Variants in SUGCT observed in about 807,000 individuals in gnomAD.
SUGCT encodes the protein succinyl-CoA:glutarate CoA-transferase.
SUGCT carries 41 observed loss-of-function variants against 55.0 expected under a neutral mutation model. The ratio of observed to expected loss-of-function variants is 0.74; its 90% CI spans 0.58 to 0.97. SUGCT has a LOEUF of 0.97. SUGCT is among the 50% of genes least tolerant of loss of function. The pLI, the probability that SUGCT is intolerant of heterozygous loss-of-function variation, is 0.00. For missense variants in SUGCT, 568 were observed against 547.8 expected (o/e 1.04, Z -0.37); for synonymous variants, 187 against 200.4 (o/e 0.93, Z 0.56).
intron 1 of SUGCT, among the ~76,000 whole-genome samples, chr7:40,175,355 G>A (rs962359086): frequency 5.9e-5 from 9 of 152,056 alleles, no homozygotes; most frequent in Non-Finnish European, 1.3e-4. Flanking sequence ...TAGTAGCTGG[G>A]ATTACAGGTA....
At chr7:40,349,263 G>T (rs531106958) in intron 9 of SUGCT, among the ~76,000 whole-genome samples, 1 of 152,254 alleles carries the variant, frequency 6.6e-6, no homozygotes, top group African/African-American at 2.4e-5. Flanking sequence ...GAGTGTGCAG[G>T]CTCATCAGGG....
At chr7:40,732,085 A>G (rs1786917438) in intron 12 of SUGCT, among the ~76,000 whole-genome samples, 1 of 152,220 alleles carries the variant, frequency 6.6e-6, no homozygotes, top group South Asian at 2.1e-4. Context: ...GACAACAGGT[A>G]TTCTCTCACA....
chr7:40,907,702 T>C, the SUGCT span, among the ~76,000 whole-genome samples: 82,927 of 152,020 alleles, frequency 0.55, 24,072 homozygotes, highest in African/African-American at 0.76. Context: ...CATCACAGCC[T>C]GTTCGCTTAA....
intron 12 of SUGCT, among the ~76,000 whole-genome samples, chr7:40,632,999 TTA>T (rs1453349466): frequency 6.6e-6 from 1 of 152,204 alleles, no homozygotes; most frequent in Non-Finnish European, 1.5e-5. Context: ...ACCACATTCA[TTA>T]TACACATATT....
chr7:40,530,626 A>G (rs1189614590), intron 12 of SUGCT, among the ~76,000 whole-genome samples: 3 of 152,206 alleles, frequency 2.0e-5, no homozygotes, highest in African/African-American at 4.8e-5. Flanking sequence ...GATTCATTTG[A>G]TGATGTTTTT....
At chr7:40,766,157 T>G (rs147368717) in intron 13 of SUGCT, among the ~76,000 whole-genome samples, 1 of 152,334 alleles carries the variant, frequency 6.6e-6, no homozygotes, top group East Asian at 1.9e-4. Context: ...ACATATCATC[T>G]ATATACAAAT....
Position 40,821,345 on chromosome 7 carries a change from G to A in SUGCT, c.1154-38971G>A, listed in dbSNP as rs187804528. On this transcript the variant is annotated intron_variant, in intron 13 of 13. Coordinates refer to ENST00000335693, the MANE Select transcript of SUGCT (RefSeq NM_001193313.2). ...AATAGTTTCAGAAGGAATGGTACCA[G>A]CTCCTCCTCGTACCTCTGGTAGAAT... Among the ~76,000 whole-genome samples, 7 of 152,296 alleles carry A rather than the reference G, an allele frequency of 4.6e-5. No individual in the cohort carries two copies. The East Asian group carries it at 1.4e-3, about 29-fold the overall frequency.
chr7:40,744,245 G>A (rs984676331), intron 12 of SUGCT, among the ~76,000 whole-genome samples: 2 of 152,068 alleles, frequency 1.3e-5, no homozygotes, highest in African/African-American at 4.8e-5. Context: ...AGGGTTTTAA[G>A]CCTTAGACTA....
intron 7 of SUGCT, among the ~76,000 whole-genome samples, chr7:40,247,483 C>G (rs1789973816): frequency 6.6e-6 from 1 of 152,170 alleles, no homozygotes; most frequent in Middle Eastern, 3.4e-3. Flanking sequence ...GTTTTGAACT[C>G]CTAACCTCAA....
intron 13 of SUGCT, among the ~76,000 whole-genome samples, chr7:40,816,067 C>T (rs566235742): frequency 3.3e-5 from 5 of 152,198 alleles, no homozygotes; most frequent in African/African-American, 4.8e-5. Context: ...GTCTCACTGC[C>T]CAAGAGAAAC....
chr7:40,162,040 G>A (rs948037249), intron 1 of SUGCT, among the ~76,000 whole-genome samples: 10 of 151,964 alleles, frequency 6.6e-5, no homozygotes, highest in Non-Finnish European at 1.0e-4. Context: ...GGGATTACAG[G>A]CGCCCACCAC....
rs370104799 is a variant in SUGCT at position 40,362,423 on chromosome 7, G to A, written c.816+45568G>A. ...GACAGAGCGAGAGTCCATCCCCGCCGCTCCCCCCTCAAAAAAAAAGGTAGT... is the reference window on the plus strand; with the variant it reads ...GACAGAGCGAGAGTCCATCCCCGCCACTCCCCCCTCAAAAAAAAAGGTAGT... On this transcript the variant is annotated intron_variant, in intron 9 of 13. Transcript: ENST00000335693. Among the ~76,000 whole-genome samples the A allele has an allele frequency of 8.0e-4, 121 of 151,584 alleles. No individual in the cohort carries two copies. The Middle Eastern group carries it at 0.017, about 22-fold the overall frequency.
intron 8 of SUGCT, among the ~76,000 whole-genome samples, chr7:40,302,691 G>C (rs1354863725): frequency 2.6e-5 from 4 of 152,094 alleles, no homozygotes; most frequent in African/African-American, 7.2e-5. Context: ...TTAAAAGTTA[G>C]ACCAGGCCCA....
intron 12 of SUGCT, among the ~76,000 whole-genome samples, chr7:40,678,693 A>G (rs986292409): frequency 1.3e-5 from 2 of 152,206 alleles, no homozygotes; most frequent in South Asian, 2.1e-4. Flanking sequence ...TTCATATAGT[A>G]TATCTAGATG....
At chr7:40,153,180 TTG>T in intron 1 of SUGCT, 1 of 325,090 alleles carries the variant, frequency 3.1e-6, no homozygotes. Flanking sequence ...TCTTAGATTA[TTG>T]TGAAACTCCA....
At chr7:40,270,572 C>T (rs930269002) in intron 7 of SUGCT, among the ~76,000 whole-genome samples, 1 of 152,152 alleles carries the variant, frequency 6.6e-6, no homozygotes, top group Non-Finnish European at 1.5e-5. Flanking sequence ...TATATGTCTG[C>T]CTTCCACCAG....
chr7:40,409,832 A>T (rs1325713669), intron 9 of SUGCT, among the ~76,000 whole-genome samples: 1 of 152,098 alleles, frequency 6.6e-6, no homozygotes. Context: ...ACAGTTTATC[A>T]GATTTTGATT....
intron 12 of SUGCT, among the ~76,000 whole-genome samples, chr7:40,545,095 T>C (rs184702275): frequency 9.8e-4 from 149 of 152,230 alleles, no homozygotes; most frequent in African/African-American, 3.4e-3. Context: ...GGTGGAAAAA[T>C]AGCCTGAAAG....
At chr7:40,216,984 C>T (rs1158316776) in intron 6 of SUGCT, among the ~76,000 whole-genome samples, 1 of 151,992 alleles carries the variant, frequency 6.6e-6, no homozygotes, top group Non-Finnish European at 1.5e-5. Context: ...GTTCTTTTTA[C>T]TCTGTTCATT....
Sources: allele counts gnomAD v4.1 joint callset (sites outside exome capture counted in the v4.1 genomes callset), GRCh38; gene constraint gnomAD v4.1.1; transcripts MANE v1.5; gene names NCBI Gene and HGNC (gene_info 2026-07-23, HGNC 2026-07-21).